The following NCOR2 variants were observed in gnomAD, a reference collection of about 807,000 sequenced individuals.
NCOR2 encodes nuclear receptor corepressor 2, also known as CTG repeat protein 26.
Under a neutral mutation model 262.9 loss-of-function variants are expected in NCOR2, and 81 were observed. The ratio of observed to expected loss-of-function variants is 0.31; its 90% CI spans 0.26 to 0.37. The LOEUF (loss-of-function observed/expected upper bound fraction) is 0.37. NCOR2 is among the 10% of genes least tolerant of loss of function. NCOR2 has a pLI of 1.00. For missense variants in NCOR2, 3,385 were observed against 3,621.4 expected (o/e 0.93, Z 1.68); for synonymous variants, 1,659 against 1,559.3 (o/e 1.06, Z -1.51).
intron 4 of NCOR2, among the ~76,000 whole-genome samples, chr12:124,470,412 A>G (rs2046772707): frequency 1.3e-5 from 2 of 152,236 alleles, no homozygotes; most frequent in Non-Finnish European, 2.9e-5. Context: ...ACAAATGTTC[A>G]ACAGCAGCAC....
chr12:124,473,256 T>A, intron 3 of NCOR2, 125 bp from the exon 6 acceptor site: 5 of 1,161,126 alleles, frequency 4.3e-6, no homozygotes, highest in Non-Finnish European at 6.1e-6. Flanking sequence ...ATCCTCGGTA[T>A]GTCTGTGAGG....
intron 13 of NCOR2, among the ~76,000 whole-genome samples, chr12:124,407,569 G>A (rs1347974112): frequency 6.6e-6 from 1 of 152,228 alleles, no homozygotes; most frequent in Non-Finnish European, 1.5e-5. Flanking sequence ...CCATGTTAAA[G>A]AGCAATCCAA....
At chr12:124,537,610 G>A (rs1201045119), upstream of NCOR2, among the ~76,000 whole-genome samples, 20 of 152,232 alleles carry the variant, frequency 1.3e-4, no homozygotes, top group Admixed American at 1.3e-3. Flanking sequence ...AGTGTAAAGT[G>A]CCCTCAGTGC....
chr12:124,338,560 C>T (rs1177246127), intron 37 of NCOR2, among the ~76,000 whole-genome samples: 2 of 151,514 alleles, frequency 1.3e-5, no homozygotes, highest in African/African-American at 4.9e-5. Context: ...GGTGTGACCC[C>T]ACCCCCCTGG....
chr12:124,339,578 G>C, intron 37 of NCOR2, among the ~76,000 whole-genome samples: 1 of 118,668 alleles, frequency 8.4e-6, no homozygotes, highest in African/African-American at 3.3e-5. Flanking sequence ...CACCCACCCA[G>C]CTAACCTAAC....
intron 10 of NCOR2, among the ~76,000 whole-genome samples, chr12:124,428,037 T>C (rs1242902307): frequency 1.6e-5 from 1 of 63,636 alleles, no homozygotes; most frequent in Non-Finnish European, 5.0e-5. Flanking sequence ...TGCATTCCCA[T>C]GTGGCCAGTG....
intron 5 of NCOR2, among the ~76,000 whole-genome samples, chr12:124,461,210 G>A (rs951876929): frequency 6.6e-6 from 1 of 152,260 alleles, no homozygotes; most frequent in South Asian, 2.1e-4. Context: ...GGCCTTTGGG[G>A]GCCGAGGTCT....
chr12:124,503,484 T>C lies in NCOR2; in HGVS notation c.-117-8116A>G, dbSNP rs1183817295. On this transcript the variant is annotated intron_variant, in intron 1 of 46. Transcript: ENST00000404621. The surrounding 1 kb of genome is among the most constrained non-coding windows in gnomAD (Gnocchi z 4.3). ...ATGGACTGATGGATGGATGGATGGA[T>C]GATGGATTGATGGATGGATGGATGG... is the stretch of plus-strand genomic sequence containing the variant. Among the ~76,000 whole-genome samples, 1 of 104,866 alleles carries C rather than the reference T, an allele frequency of 9.5e-6. No individual in the cohort carries two copies. The highest frequency in any genetic ancestry group is 1.8e-5 in the Non-Finnish European group (1 of 54,410). 68.8% of individuals were successfully genotyped at this position (104,866 alleles called of 152,430 possible).
In NCOR2 at chr12:124,531,389, C is replaced by T. The variant is rs1019353967; in HGVS notation, c.-118+4176G>A. Among the ~76,000 whole-genome samples the T allele has an allele frequency of 5.3e-5, 8 of 152,276 alleles. No individual in the cohort carries two copies. The South Asian group carries it at 1.2e-3, about 24-fold the overall frequency. ...GCATCCCCCGGGCCCGATTAGCGGG[C>T]GGCCGCAGGCAGACACGCTCAACTG... On this transcript the variant is annotated intron_variant, in intron 1 of 46. Coordinates refer to the NCOR2 transcript ENST00000404621. The surrounding 1 kb of genome is among the most constrained non-coding windows in gnomAD (Gnocchi z 4.5).
intron 21 of NCOR2, among the ~76,000 whole-genome samples, chr12:124,362,651 GC>G (rs149320378): frequency 0.021 from 3,219 of 150,412 alleles, 76 homozygotes; most frequent in South Asian, 0.064. Flanking sequence ...TGGCCCAGCT[GC>G]CTGGTGGTGA....
chr12:124,348,178 G>C (rs956696290), exon 29 of NCOR2: 2 of 1,610,734 alleles, frequency 1.2e-6, no homozygotes, highest in South Asian at 1.1e-5. Context: ...TATCACCTTC[G>C]ATGCTGGCTG....
intron 28 of NCOR2, chr12:124,348,648 C>T (rs1011151436): frequency 5.4e-6 from 2 of 372,878 alleles, no homozygotes; most frequent in African/African-American, 2.1e-5. Flanking sequence ...TCCACACCCA[C>T]GGGTGCCGAC....
At chr12:124,338,380 T>G (rs943704797) in intron 37 of NCOR2, among the ~76,000 whole-genome samples, 49 of 151,784 alleles carry the variant, frequency 3.2e-4, no homozygotes, top group African/African-American at 1.1e-3. Flanking sequence ...TGGTTGCACG[T>G]GCCTGTAACT....
chr12:124,479,510 C>G (rs144279746), intron 3 of NCOR2, among the ~76,000 whole-genome samples: 1 of 151,068 alleles, frequency 6.6e-6, no homozygotes, highest in Non-Finnish European at 1.5e-5. Context: ...CGCATACACA[C>G]GCACATGCGC....
chr12:124,454,006 C>A lies in NCOR2; in HGVS notation c.762+3100G>T, dbSNP rs755513162. The stretch of plus-strand genomic sequence containing the variant: ...GGGAACTGGACTCTGTGACCCACAG[C>A]ACCTCAGGCCGTCCCTGGCCCGGGC... On this transcript the variant is annotated intron_variant, in intron 6 of 46. Coordinates refer to ENST00000405201, the Ensembl canonical transcript of NCOR2. The surrounding 1 kb of genome is among the most constrained non-coding windows in gnomAD (Gnocchi z 5.6). Among the ~76,000 whole-genome samples, 12 of 152,248 alleles carry A rather than the reference C, an allele frequency of 7.9e-5. No individual in the cohort carries two copies. The highest frequency in any genetic ancestry group is 2.6e-4 in the Admixed American group (4 of 15,288).
intron 6 of NCOR2, among the ~76,000 whole-genome samples, chr12:124,455,367 C>T (rs1398565619): frequency 6.6e-6 from 1 of 152,238 alleles, no homozygotes; most frequent in Non-Finnish European, 1.5e-5. Flanking sequence ...CCACCCAGAT[C>T]GCCCAGGCCC....
chr12:124,325,130 TGCCCCCTCCCCG>T (rs1295554802), exon 47 of NCOR2: 5 of 307,494 alleles, frequency 1.6e-5, no homozygotes, highest in Non-Finnish European at 3.0e-5. Context: ...ACGCCTGCCG[TGCCCCCTCCCCG>T]GCCCCTTCCC....
intron 4 of NCOR2, 41 bp from the exon 7 acceptor site, chr12:124,466,327 G>A (rs374655250): frequency 2.0e-5 from 31 of 1,577,020 alleles, no homozygotes; most frequent in South Asian, 1.1e-4. Flanking sequence ...GCACCCCAGC[G>A]GGCGGAAGGA....
chr12:124,354,493 C>A (rs750211341), exon 26 of NCOR2: 1 of 1,575,426 alleles, frequency 6.3e-7, no homozygotes, highest in East Asian at 2.3e-5. Flanking sequence ...AGCACGGACG[C>A]CTCCTGGGCT....
Sources: allele counts gnomAD v4.1 joint callset (sites outside exome capture counted in the v4.1 genomes callset), GRCh38; gene constraint gnomAD v4.1.1; non-coding constraint Gnocchi (gnomAD v3.1); transcripts MANE v1.5; gene names NCBI Gene and HGNC (gene_info 2026-07-23, HGNC 2026-07-21).